AKAP13: variants seen among roughly 807,000 people sequenced by gnomAD.
AKAP13 encodes the protein A-kinase anchor protein 13.
In AKAP13, 80 loss-of-function variants were observed where a neutral mutation model predicts 264.5. The ratio of observed to expected loss-of-function variants is 0.30; its 90% CI spans 0.25 to 0.36. The LOEUF (loss-of-function observed/expected upper bound fraction) is 0.36. Ranked by LOEUF, AKAP13 falls within the 10% of genes least tolerant of loss-of-function variation. AKAP13 has a pLI of 1.00. For missense variants in AKAP13, 3,712 were observed against 3,435.2 expected (o/e 1.08, Z -2.01); for synonymous variants, 1,380 against 1,250.2 (o/e 1.10, Z -2.19).
chr15:85,692,454 A>G (rs1459737782), intron 16 of AKAP13, among the ~76,000 whole-genome samples: 5 of 152,060 alleles, frequency 3.3e-5, no homozygotes, highest in Non-Finnish European at 7.4e-5. Context: ...TAATTTACCT[A>G]GGGTCACGCT....
intron 5 of AKAP13, among the ~76,000 whole-genome samples, chr15:85,562,336 G>A (rs56052131): frequency 0.052 from 7,863 of 151,872 alleles, 340 homozygotes; most frequent in Admixed American, 0.15. Context: ...AGGCCGAGGC[G>A]TGCGGATCAC....
rs1473281197 is a variant in AKAP13, at chr15:85,749,331, A to G, written c.*4654A>G. The G allele has an allele frequency of 6.6e-6, 1 of 152,212 alleles. No homozygotes were observed. Among genetic ancestry groups the G allele is most frequent in the East Asian group, 1.9e-4 (1 of 5,202 alleles). The allele number at this position is 152,212 out of a possible 1,614,324, so 9.4% of individuals were successfully genotyped here. A position where few individuals can be genotyped will look rare whatever the true frequency, so the allele number is the denominator to read the frequency against. On this transcript the variant is annotated 3_prime_UTR_variant, in exon 37 of 37. Transcript: ENST00000394518. ...GTAAAGTCTCCCTCAGCCCTTTCAA[A>G]AAATAATAAATTTCCTGTGAAGTTC...
chr15:85,441,869 A>G (rs2073666604), intron 1 of AKAP13, among the ~76,000 whole-genome samples: 1 of 152,156 alleles, frequency 6.6e-6, no homozygotes, highest in Non-Finnish European at 1.5e-5. Context: ...GAGGGAGGAA[A>G]GGAGTTTGTC....
chr15:85,488,376 T>C (rs1023056763), intron 2 of AKAP13, among the ~76,000 whole-genome samples: 8 of 152,234 alleles, frequency 5.3e-5, no homozygotes, highest in Non-Finnish European at 8.8e-5. Flanking sequence ...ATATGTTCTA[T>C]AGCTTTCTTG....
At position 85,727,650 on chromosome 15, in the gene AKAP13, A is replaced by G. The variant is rs905628359; in HGVS notation, c.7087+187A>G. 3.9e-5 allele frequency among the ~76,000 whole-genome samples: 6 copies of G among 152,210 alleles called. No individual in the cohort carries two copies. Among genetic ancestry groups the G allele is most frequent in the African/African-American group, 1.4e-4 (6 of 41,456 alleles). ...AGGCCAGGCTGACATGGGTCCTCGT[A>G]AAGAATGGCTGCAAGGATGTTTCCA... is the stretch of plus-strand genomic sequence containing the variant. On this transcript the variant is annotated intron_variant, in intron 29 of 36. Coordinates refer to ENST00000394518, the MANE Select transcript of AKAP13 (RefSeq NM_007200.5). This position sits in a 1 kb window ranked among gnomAD's most constrained non-coding sequence, Gnocchi z 5.3.
chr15:85,561,645 G>A (rs971803973), intron 5 of AKAP13, among the ~76,000 whole-genome samples: 2 of 152,146 alleles, frequency 1.3e-5, no homozygotes, highest in African/African-American at 4.8e-5. Context: ...TAATACAGTG[G>A]CAGTATGCTG....
chr15:85,645,920 C>T lies in AKAP13; in HGVS notation c.4340C>T (p.Pro1447Leu), dbSNP rs748176498. Residue 1447 changes from proline to leucine, a missense_variant, in exon 10 of 37, where the codon CCC becomes CTC. This residue lies in a region of AKAP13 where 2,759 missense variants were observed against 2,411.7 expected (regional missense o/e 1.14). Transcript: ENST00000394518. The stretch of plus-strand genomic sequence containing the variant: ...AGTGATTCTGACCTCTTTCACTCAC[C>T]CAGTGATGACATGGACAGCATCATC... ...SGSDSDLFHS[P>L]SDDMDSIIFP... The T allele has an allele frequency of 1.2e-6, 2 of 1,613,292 alleles. No homozygotes were observed. The highest frequency in any genetic ancestry group is 1.7e-5 in the Admixed American group (1 of 59,934).
At chr15:85,443,943 G>C (rs373773395) in intron 1 of AKAP13, among the ~76,000 whole-genome samples, 1 of 152,052 alleles carries the variant, frequency 6.6e-6, no homozygotes, top group African/African-American at 2.4e-5. Flanking sequence ...TGTTTATTTT[G>C]TTGCCATAGT....
chr15:85,635,243 A>G, intron 8 of AKAP13: 1 of 396,034 alleles, frequency 2.5e-6, no homozygotes, highest in Non-Finnish European at 4.4e-6. Context: ...ATCAGTCTCA[A>G]ATTTTGACTC....
At chr15:85,577,796 A>T (rs1419729618) in intron 6 of AKAP13, 7 of 985,224 alleles carry the variant, frequency 7.1e-6, no homozygotes, top group Non-Finnish European at 8.4e-6. Flanking sequence ...CTGTTCCTGA[A>T]ATTATGACCC....
In AKAP13 at chr15:85,718,395, T is replaced by C. The variant is rs1325962876; in HGVS notation, c.6001+236T>C. On this transcript the variant is annotated intron_variant, in intron 22 of 36. Transcript: ENST00000394518. This position sits in a 1 kb window ranked among gnomAD's most constrained non-coding sequence, Gnocchi z 4.9. ...GTACTTATATGTGAGTACTTATTTATACAGCAGTCCTAGAAAGAGATATCT... is the reference window on the plus strand; with the variant it reads ...GTACTTATATGTGAGTACTTATTTACACAGCAGTCCTAGAAAGAGATATCT... Among the ~76,000 whole-genome samples the C allele has an allele frequency of 6.6e-6, 1 of 152,230 alleles. No homozygotes were observed. The highest frequency in any genetic ancestry group is 1.5e-5 in the Non-Finnish European group (1 of 68,036).
chr15:85,398,969 C>G (rs2071254707), intron 1 of AKAP13, among the ~76,000 whole-genome samples: 1 of 152,110 alleles, frequency 6.6e-6, no homozygotes, highest in Non-Finnish European at 1.5e-5. Flanking sequence ...CCTCTTTCCT[C>G]TATGCTATTA....
intron 5 of AKAP13, among the ~76,000 whole-genome samples, chr15:85,562,893 T>C (rs985302925): frequency 2.2e-4 from 33 of 148,168 alleles, no homozygotes; most frequent in African/African-American, 8.2e-4. Flanking sequence ...TTTGTATTTT[T>C]AGTAGAGATA....
chr15:85,543,113 A>G (rs2077624316), intron 4 of AKAP13, among the ~76,000 whole-genome samples: 1 of 152,196 alleles, frequency 6.6e-6, no homozygotes, highest in South Asian at 2.1e-4. Flanking sequence ...TTCTGCAGTT[A>G]TTAGTGGATT....
At chr15:85,673,321 C>T (rs1481388537) in intron 14 of AKAP13, among the ~76,000 whole-genome samples, 2 of 152,174 alleles carry the variant, frequency 1.3e-5, no homozygotes, top group Non-Finnish European at 2.9e-5. Flanking sequence ...TTAGGAACCA[C>T]AGAGGACGGG....
At chr15:85,399,655 G>A (rs184303327) in intron 1 of AKAP13, among the ~76,000 whole-genome samples, 345 of 151,510 alleles carry the variant, frequency 2.3e-3, no homozygotes, top group African/African-American at 8.1e-3. Flanking sequence ...AGGATATGAA[G>A]AAACTCACGA....
At chr15:85,516,400 G>A (rs182302073) in intron 2 of AKAP13, among the ~76,000 whole-genome samples, 2 of 152,210 alleles carry the variant, frequency 1.3e-5, no homozygotes, top group Non-Finnish European at 2.9e-5. Context: ...AGGCAGGTTG[G>A]TGTCAGAGAT....
intron 1 of AKAP13, among the ~76,000 whole-genome samples, chr15:85,391,032 G>A (rs1275271322): frequency 6.6e-6 from 1 of 152,134 alleles, no homozygotes; most frequent in Non-Finnish European, 1.5e-5. Context: ...AGGGAGAGTG[G>A]GAGGTTTTAG....
intron 17 of AKAP13, chr15:85,702,415 AG>A (rs2085981731): frequency 6.6e-6 from 1 of 152,206 alleles, no homozygotes; most frequent in African/African-American, 2.4e-5. Flanking sequence ...CTTGGCAGGA[AG>A]TAGAAAATAT....
Sources: allele counts gnomAD v4.1 joint callset (sites outside exome capture counted in the v4.1 genomes callset), GRCh38; gene constraint gnomAD v4.1.1; regional missense constraint gnomAD v4.1.1; non-coding constraint Gnocchi (gnomAD v3.1); transcripts MANE v1.5; gene names NCBI Gene and HGNC (gene_info 2026-07-23, HGNC 2026-07-21).